Variants in MYO9A observed in about 807,000 individuals in gnomAD.
The protein encoded by MYO9A is myosin IXA.
MYO9A carries 103 observed loss-of-function variants against 293.3 expected under a neutral mutation model. The ratio of observed to expected loss-of-function variants is 0.35; its 90% CI spans 0.30 to 0.41. MYO9A has a LOEUF of 0.41. Ranked by LOEUF, MYO9A falls within the 10% of genes least tolerant of loss-of-function variation. The pLI is 1.00. For missense variants in MYO9A, 2,685 were observed against 3,033.0 expected (o/e 0.89, Z 2.69); for synonymous variants, 1,001 against 1,035.7 (o/e 0.97, Z 0.64).
chr15:72,051,021 C>G (rs1447484802), intron 1 of MYO9A, among the ~76,000 whole-genome samples: 1 of 152,146 alleles, frequency 6.6e-6, no homozygotes, highest in Admixed American at 6.5e-5. Flanking sequence ...AGCTCCTTTT[C>G]CATTAACTCA....
intron 2 of MYO9A, among the ~76,000 whole-genome samples, chr15:72,038,515 T>C (rs574534348): frequency 6.6e-6 from 1 of 152,290 alleles, no homozygotes; most frequent in African/African-American, 2.4e-5. Flanking sequence ...GAGGACAGGA[T>C]TGGGGCAGAG....
chr15:72,002,405 T>C (rs1346633938), intron 8 of MYO9A, among the ~76,000 whole-genome samples: 1 of 152,020 alleles, frequency 6.6e-6, no homozygotes, highest in Non-Finnish European at 1.5e-5. Context: ...GGTTTCATCA[T>C]GTTGCCCAGG....
intron 1 of MYO9A, among the ~76,000 whole-genome samples, chr15:72,075,834 A>G (rs1246471431): frequency 6.6e-6 from 1 of 152,188 alleles, no homozygotes; most frequent in Non-Finnish European, 1.5e-5. Flanking sequence ...GAAGGAAAAT[A>G]ATCTCAGACA....
chr15:71,935,496 A>G lies in MYO9A; in HGVS notation c.2379-12T>C, dbSNP rs2306490. 0.22 allele frequency: 350,439 copies of G among 1,610,312 alleles called. 39,559 individuals carry two copies. Among genetic ancestry groups the G allele is most frequent in the East Asian group, 0.38 (17,160 of 44,810 alleles). On this transcript the variant is annotated splice_polypyrimidine_tract_variant and intron_variant, in intron 16 of 41. Coordinates refer to ENST00000356056, the MANE Select transcript of MYO9A (RefSeq NM_006901.4). The stretch of plus-strand genomic sequence containing the variant: ...TATCAAATGTATCACTGTAAAAAAT[A>G]TAATTTGCTTTAGTTAATGAAGACG...
intron 1 of MYO9A, among the ~76,000 whole-genome samples, chr15:72,087,305 C>T (rs1016267096): frequency 2.0e-5 from 3 of 152,174 alleles, no homozygotes; most frequent in Admixed American, 6.5e-5. Flanking sequence ...CAAGTCAAGC[C>T]TAGGGAGATG....
In MYO9A at chr15:71,854,514, C is replaced by G. The variant is rs772322221; in HGVS notation, c.6209G>C (p.Ser2070Thr). 5.0e-6 allele frequency: 8 copies of G among 1,612,966 alleles called. No homozygotes were observed. In the Admixed American group the frequency reaches 8.3e-5, roughly 17 times the overall value. ...TACTAAAGGAACAGTTCGGTCTTCA[C>G]TGGTCAAACGGGACAGTTCAACCCC... is the stretch of plus-strand genomic sequence containing the variant. ...QFGVELSRLT[S>T]EDRTVPLVVE... is the part of the protein sequence containing the mutation. The change falls in exon 35 of 42, where the codon AGT becomes ACT. Residue 2070 changes from serine to threonine, a missense_variant. Physicochemically the swap from Ser to Thr is moderately conservative, Grantham distance 58. This residue lies in a region of MYO9A where 238 missense variants were observed against 269.1 expected (regional missense o/e 0.88). Transcript: ENST00000356056.
At position 71,827,989 on chromosome 15, in the gene MYO9A, G is replaced by A. The variant is rs538480636; in HGVS notation, c.7078C>T (p.Arg2360Cys). 39 of 1,613,596 alleles carry A rather than the reference G, an allele frequency of 2.4e-5. No individual in the cohort carries two copies. Among genetic ancestry groups the A allele is most frequent in the Non-Finnish European group, 2.8e-5 (33 of 1,179,774 alleles). ...LTFEMLVLEP[R>C]ASDDETLESE... ...TCAAGGGTTTCATCATCAGAGGCAC[G>A]GGGTTCCAGTACAAGCATCTCAAAT... Residue 2360 changes from arginine (R) to cysteine (C), a missense_variant, in exon 41 of 42, where the codon CGT (arginine) becomes TGT (cysteine). Arg to Cys is a radical substitution (Grantham distance 180). Coordinates refer to ENST00000356056, the MANE Select transcript of MYO9A (RefSeq NM_006901.4).
At chr15:71,918,436 TAA>T (rs1464197692) in intron 18 of MYO9A, among the ~76,000 whole-genome samples, 4 of 152,124 alleles carry the variant, frequency 2.6e-5, no homozygotes, top group African/African-American at 9.7e-5. Flanking sequence ...CCACAGCTCA[TAA>T]AGTTACTGTA....
Position 71,883,047 on chromosome 15 carries a change from G to A in MYO9A, c.5398+547C>T, listed in dbSNP as rs575363245. Among the ~76,000 whole-genome samples, 11 of 152,062 alleles carry A rather than the reference G, an allele frequency of 7.2e-5. No homozygotes were observed. The South Asian group carries it at 2.1e-3, about 29-fold the overall frequency. ...TTGAACTCCTGGACTCATGTGATCT[G>A]CCCACCTCAGCCTCCCAAAGCGCTG... On this transcript the variant is annotated intron_variant, in intron 28 of 41. Coordinates refer to ENST00000356056, the MANE Select transcript of MYO9A (RefSeq NM_006901.4).
intron 8 of MYO9A, among the ~76,000 whole-genome samples, chr15:72,000,866 T>C (rs2076843692): frequency 6.6e-6 from 1 of 152,250 alleles, no homozygotes; most frequent in African/African-American, 2.4e-5. Flanking sequence ...TACCACAGTG[T>C]GTAATCCATT....
intron 1 of MYO9A, among the ~76,000 whole-genome samples, chr15:72,078,681 A>G (rs896870453): frequency 2.6e-5 from 4 of 152,348 alleles, no homozygotes; most frequent in Middle Eastern, 3.4e-3. Context: ...AAACCTGCAC[A>G]TGGATGTTTA....
chr15:72,010,337 C>A lies in MYO9A; in HGVS notation c.1253+13G>T. The A allele has an allele frequency of 1.9e-6, 3 of 1,607,108 alleles. No homozygotes were observed. Among genetic ancestry groups the A allele is most frequent in the Non-Finnish European group, 2.6e-6 (3 of 1,174,060 alleles). Reference sequence around the variant, plus strand: ...CTCTATTAGAGATATAAAAATACAACAAGTAAACTCACTGTCTTCGTGTCT... The same window carrying A: ...CTCTATTAGAGATATAAAAATACAAAAAGTAAACTCACTGTCTTCGTGTCT... On this transcript the variant is annotated intron_variant, in intron 7 of 41. Transcript: ENST00000356056.
intron 1 of MYO9A, among the ~76,000 whole-genome samples, chr15:72,084,646 A>C (rs1437485730): frequency 6.6e-6 from 1 of 152,226 alleles, no homozygotes; most frequent in Non-Finnish European, 1.5e-5. Flanking sequence ...GAGCTCTTGT[A>C]AGACACGTCT....
chr15:72,022,384 A>G (rs2149238470), intron 4 of MYO9A, among the ~76,000 whole-genome samples: 1 of 152,044 alleles, frequency 6.6e-6, no homozygotes, highest in African/African-American at 2.4e-5. Context: ...GCTGGGCATC[A>G]TGACGTGCGC....
intron 3 of MYO9A, among the ~76,000 whole-genome samples, chr15:72,031,443 A>C (rs1215252561): frequency 1.3e-5 from 2 of 152,114 alleles, no homozygotes; most frequent in Non-Finnish European, 2.9e-5. Context: ...CCGAGATTGC[A>C]CCACTGCATT....
intron 32 of MYO9A, 66 bp from the exon 33 acceptor site, chr15:71,862,677 G>A: frequency 9.7e-7 from 1 of 1,029,340 alleles, no homozygotes. Context: ...AACGTGGTGG[G>A]AAATCCTTCA....
chr15:71,995,865 AC>A (rs765678640), intron 9 of MYO9A, among the ~76,000 whole-genome samples: 7 of 152,116 alleles, frequency 4.6e-5, no homozygotes, highest in Non-Finnish European at 1.0e-4. Context: ...ACTACAACCT[AC>A]CACATAGGTG....
At chr15:72,113,055 AC>A (rs2080838388) in intron 1 of MYO9A, among the ~76,000 whole-genome samples, 2 of 152,146 alleles carry the variant, frequency 1.3e-5, no homozygotes, top group South Asian at 4.1e-4. Flanking sequence ...ACACAGTGAG[AC>A]CCTATTTTTT....
chr15:72,014,575 A>G (rs1213933634), intron 6 of MYO9A, among the ~76,000 whole-genome samples: 1 of 152,028 alleles, frequency 6.6e-6, no homozygotes, highest in Non-Finnish European at 1.5e-5. Context: ...AATCCCAGCT[A>G]CTCAGGAGGC....
Sources: gnomAD v4.1 joint callset for allele counts (sites outside exome capture counted in the v4.1 genomes callset) on GRCh38, gnomAD v4.1.1 for gene constraint, gnomAD v4.1.1 regional missense constraint, MANE v1.5 for transcripts, NCBI Gene and HGNC (gene_info 2026-07-23, HGNC 2026-07-21) for gene names.